Variants in BCO2 observed in about 807,000 individuals in gnomAD.
The protein encoded by BCO2 is carotenoid-cleaving dioxygenase, mitochondrial.
Under a neutral mutation model 65.8 loss-of-function variants are expected in BCO2, and 56 were observed. The ratio of observed to expected loss-of-function variants is 0.85; its 90% CI spans 0.69 to 1.06. BCO2 has a LOEUF of 1.06. Ranked by LOEUF, BCO2 falls within the 50% of genes least tolerant of loss-of-function variation. The pLI, the probability that BCO2 is intolerant of heterozygous loss-of-function variation, is 0.00. For missense variants in BCO2, 675 were observed against 698.5 expected, an observed-to-expected ratio of 0.97 and a Z score of 0.38; for synonymous variants, 233 against 242.3, an observed-to-expected ratio of 0.96 and a Z score of 0.36.
At chr11:112,196,927 C>CTTCCT (rs1867598632) in intron 5 of BCO2, among the ~76,000 whole-genome samples, 1 of 145,460 alleles carries the variant, frequency 6.9e-6, no homozygotes, top group Non-Finnish European at 1.5e-5. Context: ...CTTCCCTTCC[C>CTTCCT]TTCCCTTCCC....
chr11:112,190,837 A>G (rs938816746), intron 2 of BCO2, among the ~76,000 whole-genome samples: 2 of 147,976 alleles, frequency 1.4e-5, no homozygotes, highest in Non-Finnish European at 3.0e-5. Flanking sequence ...GCCTGGGGCG[A>G]CAGAGTGAGA....
Position 112,217,987 on chromosome 11 carries a change from C to A in BCO2, c.*113C>A. The A allele has an allele frequency of 1.3e-6, 1 of 748,302 alleles. No individual in the cohort carries two copies. The highest frequency in any genetic ancestry group is 2.1e-6 in the Non-Finnish European group (1 of 465,132). The allele number at this position is 748,302 out of a possible 1,614,324, so 46.4% of individuals were successfully genotyped here. On this transcript the variant is annotated 3_prime_UTR_variant, in exon 12 of 12. Coordinates refer to ENST00000357685, the MANE Select transcript of BCO2 (RefSeq NM_031938.7). ...AAAGGGGGGCAAGGAGGAAGAGGGG[C>A]AGGGGTTAAAAAGCTACCTATTGAA...
intron 2 of BCO2, chr11:112,179,930 G>T: frequency 6.1e-6 from 1 of 164,746 alleles, no homozygotes; most frequent in Admixed American, 5.7e-5. Flanking sequence ...TCCCAAGACT[G>T]GTCTTTTCAT....
chr11:112,210,788 G>A (rs550966670), intron 8 of BCO2, among the ~76,000 whole-genome samples: 1 of 150,632 alleles, frequency 6.6e-6, no homozygotes, highest in East Asian at 2.0e-4. Flanking sequence ...ACACACGAAT[G>A]CATGTTAAAC....
intron 10 of BCO2, chr11:112,215,276 A>T (rs1859637210): frequency 3.1e-6 from 1 of 323,146 alleles, no homozygotes; most frequent in Non-Finnish European, 5.8e-6. Flanking sequence ...GGAATCTGGG[A>T]CTGCAAAGAC....
At position 112,179,363 on chromosome 11, in the gene BCO2, G is replaced by A. The variant is rs779658003; in HGVS notation, c.174G>A (p.Leu58=). 8 of 1,614,202 alleles carry A rather than the reference G, an allele frequency of 5.0e-6. No homozygotes were observed. Among genetic ancestry groups the A allele is most frequent in the Admixed American group, 1.7e-5 (1 of 60,024 alleles). ...GTCTGCCATGTGTTGCACCGCTGCT[G>A]ACCACAGTGGAAGAGGCTCCACGGG... ...CRGLPCVAPL[L]TTVEEAPRGI... The change falls in exon 2 of 12, where the codon CTG becomes CTA. Residue 58 remains leucine, a synonymous_variant. Coordinates refer to ENST00000357685, the MANE Select transcript of BCO2 (RefSeq NM_031938.7).
intron 8 of BCO2, among the ~76,000 whole-genome samples, chr11:112,205,668 A>G (rs1403663387): frequency 2.0e-5 from 3 of 152,058 alleles, no homozygotes; most frequent in Admixed American, 1.3e-4. Flanking sequence ...TATGTTGCCA[A>G]GGCTGCTGTC....
Position 112,193,934 on chromosome 11 carries a change from C to G in BCO2, c.573C>G (p.Leu191=), listed in dbSNP as rs755205861. ...NYVRYKGDYY[L]CTETNFMNKV... ...TGCGGTACAAGGGTGATTACTACCT[C>G]TGCACTGAGACCAACTTTATGAATA... Residue 191 remains leucine, a synonymous_variant, in exon 4 of 12, where the codon CTC becomes CTG. Transcript: ENST00000357685. 2 of 1,613,338 alleles carry G rather than the reference C, an allele frequency of 1.2e-6. No individual in the cohort carries two copies. Among genetic ancestry groups the G allele is most frequent in the Non-Finnish European group, 1.7e-6 (2 of 1,179,380 alleles).
chr11:112,194,779 T>C, intron 5 of BCO2, 24 bp downstream of exon 5: 1 of 1,476,512 alleles, frequency 6.8e-7, no homozygotes. Flanking sequence ...AAAGGTCTTT[T>C]TAGAAATAAT....
In BCO2 at chr11:112,194,683, G is replaced by T. The variant is rs1327677539; in HGVS notation, c.664G>T (p.Gly222Ter). ...VDWSKFIAVN[G>*]ATAHPHYDLD... ...TTGGAGCAAATTTATTGCTGTGAAT[G>T]GAGCAACTGCACATCCTCATTATGA... The change falls in exon 5 of 12, where the codon GGA (glycine) becomes TGA (stop). Residue 222 changes from glycine (G) to a stop codon, truncating the protein, a stop_gained. Transcript: ENST00000357685. LOFTEE classifies it high-confidence loss of function. The T allele has an allele frequency of 1.9e-6, 3 of 1,613,182 alleles. No individual in the cohort carries two copies. In the East Asian group the frequency reaches 6.7e-5, roughly 36 times the overall value.
At chr11:112,175,797 G>T (rs1866866810) in intron 1 of BCO2, 108 bp downstream of exon 1, 5 of 928,916 alleles carry the variant, frequency 5.4e-6, no homozygotes, top group South Asian at 4.1e-5. Context: ...GAAGCTTTGT[G>T]TCCTGTGTGG....
At chr11:112,181,199 T>G (rs1435435811) in intron 2 of BCO2, 1 of 774,976 alleles carries the variant, frequency 1.3e-6, no homozygotes, top group Non-Finnish European at 2.1e-6. Context: ...TTTTTTTTTT[T>G]GAGACGGAGT....
chr11:112,193,041 G>GATCTCGGCTCACTGCA lies in BCO2; in HGVS notation c.294-427_294-412dup, dbSNP rs1867444678. On this transcript the variant is annotated intron_variant, in intron 2 of 11. Coordinates refer to ENST00000357685, the MANE Select transcript of BCO2 (RefSeq NM_031938.7). ...CGCCCAGGCTGAAGTGCAGTGGCGC[G>GATCTCGGCTCACTGCA]ATCTCGGCTCACTGCAATCTCCGCC... 1.7e-4 allele frequency among the ~76,000 whole-genome samples: 24 copies of GATCTCGGCTCACTGCA among 142,146 alleles called. No homozygotes were observed. In the South Asian group the frequency reaches 5.3e-3, roughly 32 times the overall value. The allele number at this position is 142,146 out of a possible 152,430, so 93.3% of individuals were successfully genotyped here.
Position 112,217,969 on chromosome 11 carries a change from G to A in BCO2, c.*95G>A. On this transcript the variant is annotated 3_prime_UTR_variant, in exon 12 of 12. Transcript: ENST00000357685. ...TAAACACTGAGGACTCCAAAAGGGG[G>A]GCAAGGAGGAAGAGGGGCAGGGGTT... 1.2e-6 allele frequency: 1 copy of A among 869,198 alleles called. No individual in the cohort carries two copies. The highest frequency in any genetic ancestry group is 1.8e-6 in the Non-Finnish European group (1 of 560,210). The allele number at this position is 869,198 out of a possible 1,614,324, so 53.8% of individuals were successfully genotyped here. A position where few individuals can be genotyped will look rare whatever the true frequency, so the allele number is the denominator to read the frequency against.
chr11:112,190,072 G>A (rs1867328448), intron 2 of BCO2, among the ~76,000 whole-genome samples: 1 of 152,058 alleles, frequency 6.6e-6, no homozygotes, highest in South Asian at 2.1e-4. Flanking sequence ...GATTTCTTGA[G>A]GCCAGGAGCT....
At chr11:112,190,870 A>G (rs1867364583) in intron 2 of BCO2, among the ~76,000 whole-genome samples, 1 of 150,222 alleles carries the variant, frequency 6.7e-6, no homozygotes, top group Admixed American at 6.6e-5. Flanking sequence ...AAAAAAAAAA[A>G]AAAAAGAAAA....
At chr11:112,198,428 ATGGTGTC>A (rs1867639308) in intron 5 of BCO2, among the ~76,000 whole-genome samples, 1 of 152,110 alleles carries the variant, frequency 6.6e-6, no homozygotes, top group Admixed American at 6.6e-5. Flanking sequence ...AACACTCAGA[ATGGTGTC>A]TGGAATATAG....
chr11:112,186,157 C>T (rs916934983), intron 2 of BCO2, among the ~76,000 whole-genome samples: 1 of 152,156 alleles, frequency 6.6e-6, no homozygotes, highest in African/African-American at 2.4e-5. Context: ...TAATCCAGCT[C>T]CCAGAGAATA....
chr11:112,202,833 C>T lies in BCO2; in HGVS notation c.1194+643C>T, dbSNP rs147349900. On this transcript the variant is annotated intron_variant, in intron 8 of 11. Transcript: ENST00000357685. The stretch of plus-strand genomic sequence containing the variant: ...GGCTGAGGCAGGCAGATCACTTGAG[C>T]TCAGGAATTTGAGACCAGCCTGGAC... 5.2e-3 allele frequency among the ~76,000 whole-genome samples: 798 copies of T among 152,096 alleles called. 7 individuals carry two copies. The highest frequency in any genetic ancestry group is 0.017 in the African/African-American group (688 of 41,476).
Sources: allele counts gnomAD v4.1 joint callset (sites outside exome capture counted in the v4.1 genomes callset), GRCh38; gene constraint gnomAD v4.1.1; transcripts MANE v1.5; gene names NCBI Gene and HGNC (gene_info 2026-07-23, HGNC 2026-07-21).